PPP5C: variants seen among roughly 807,000 people sequenced by gnomAD.
PPP5C encodes the protein serine/threonine-protein phosphatase 5.
A neutral mutation model predicts 66.7 loss-of-function variants in PPP5C; 21 were observed. That is an observed-to-expected ratio of 0.31 (90% confidence interval 0.22 to 0.45). The LOEUF is 0.45. Among genes scored for constraint, PPP5C ranks in the 20% least tolerant of loss-of-function variants. The pLI is 1.00. For synonymous variants in PPP5C, 246 were observed against 257.4 expected (o/e 0.96, Z 0.43); for missense variants, 464 against 675.9 (o/e 0.69, Z 3.48).
chr19:46,385,705 A>G (rs1972871218), intron 7 of PPP5C, among the ~76,000 whole-genome samples: 1 of 151,694 alleles, frequency 6.6e-6, no homozygotes. Context: ...GCTTGAACCC[A>G]GGAGGCACAT....
Position 46,387,435 on chromosome 19 carries a change from C to T in PPP5C, c.1117C>T (p.Arg373Ter), listed in dbSNP as rs947012848. The T allele has an allele frequency of 6.2e-7, 1 of 1,613,708 alleles. No individual in the cohort carries two copies. Among genetic ancestry groups the T allele is most frequent in the Admixed American group, 1.7e-5 (1 of 60,020 alleles). ...LDDIRKIERN[R>*]QPPDSGPMCD... ...TGACATCCGGAAAATTGAGCGGAAT[C>T]GACAACCCCCAGATTCAGGTGAGCA... The change falls in exon 9 of 13, where the codon CGA (arginine) becomes TGA (stop). Residue 373 changes from arginine to a stop codon, truncating the protein, a stop_gained. Coordinates refer to ENST00000012443, the MANE Select transcript of PPP5C (RefSeq NM_006247.4). LOFTEE classifies it high-confidence loss of function.
chr19:46,390,176 G>A, intron 12 of PPP5C, 44 bp downstream of exon 12: 1 of 1,610,504 alleles, frequency 6.2e-7, no homozygotes, highest in Middle Eastern at 1.7e-4. Flanking sequence ...TCCCGGCCTG[G>A]GGACAAGGAG....
chr19:46,355,738 G>T (rs1316503198), intron 2 of PPP5C, among the ~76,000 whole-genome samples: 2 of 152,136 alleles, frequency 1.3e-5, no homozygotes, highest in African/African-American at 4.8e-5. Context: ...GTGATGACAT[G>T]GTTGAGTAAA....
intron 2 of PPP5C, among the ~76,000 whole-genome samples, chr19:46,361,779 T>C (rs1972396938): frequency 6.7e-6 from 1 of 148,156 alleles, no homozygotes; most frequent in Non-Finnish European, 1.5e-5. Context: ...AAAAAAAAAA[T>C]ACTATACCAA....
chr19:46,365,206 C>T (rs1036351175), intron 2 of PPP5C, among the ~76,000 whole-genome samples: 3 of 152,228 alleles, frequency 2.0e-5, no homozygotes, highest in Admixed American at 6.5e-5. Flanking sequence ...AGGTTTTGAA[C>T]TCCTGACCTC....
At chr19:46,356,830 T>C (rs1490137327) in intron 2 of PPP5C, among the ~76,000 whole-genome samples, 2 of 152,212 alleles carry the variant, frequency 1.3e-5, no homozygotes, top group African/African-American at 4.8e-5. Context: ...TAAAAATCCC[T>C]ATTTTACATG....
chr19:46,369,526 G>C (rs1277107816), intron 2 of PPP5C, among the ~76,000 whole-genome samples: 1 of 152,028 alleles, frequency 6.6e-6, no homozygotes, highest in Non-Finnish European at 1.5e-5. Context: ...TAGCCACTCT[G>C]GGGGCTGAGG....
Position 46,390,472 on chromosome 19 carries a change from G to C in PPP5C, c.*126G>C. 6.6e-7 allele frequency: 1 copy of C among 1,514,476 alleles called. No homozygotes were observed. The allele number at this position is 1,514,476 out of a possible 1,614,324, so 93.8% of individuals were successfully genotyped here. A position where few individuals can be genotyped will look rare whatever the true frequency, so the allele number is the denominator to read the frequency against. On this transcript the variant is annotated 3_prime_UTR_variant, in exon 13 of 13. Transcript: ENST00000012443. ...GACCCCCTTTTACTTTGTAAAGTTT[G>C]TATTTATTCCCCTTTAGGTTTGCAG...
intron 4 of PPP5C, among the ~76,000 whole-genome samples, chr19:46,378,292 A>G (rs781373481): frequency 1.3e-4 from 20 of 152,162 alleles, no homozygotes; most frequent in Non-Finnish European, 2.5e-4. Flanking sequence ...TTAACTCCCA[A>G]ATATTTGGGG....
Position 46,387,160 on chromosome 19 carries a change from A to G in PPP5C, c.972A>G (p.Thr324=). The change falls in exon 8 of 13, where the codon ACA becomes ACG. Residue 324 remains threonine, a synonymous_variant. Transcript: ENST00000012443. The part of the protein sequence containing the change: ...GFEGEVKAKY[T]AQMYELFSEV... ...AGGGTGAGGTGAAGGCCAAGTACAC[A>G]GCCCAGATGTACGAGCTCTTTAGCG... 1.2e-6 allele frequency: 2 copies of G among 1,614,248 alleles called. No homozygotes were observed. Among genetic ancestry groups the G allele is most frequent in the Non-Finnish European group, 1.7e-6 (2 of 1,180,046 alleles).
chr19:46,388,307 GGGCTGTGGGGTCAGCACCTGGCCGGGCCA>G lies in PPP5C; in HGVS notation c.1136-98_1136-70del. The G allele has an allele frequency of 7.7e-7, 1 of 1,299,560 alleles. No homozygotes were observed. Among genetic ancestry groups the G allele is most frequent in the Non-Finnish European group, 1.1e-6 (1 of 952,078 alleles). 80.5% of individuals were successfully genotyped at this position (1,299,560 alleles called of 1,614,324 possible). Reference sequence around the variant, plus strand: ...CCCCTGCCCAACACCCACCCAGGCTGGGCTGTGGGGTCAGCACCTGGCCGGGCCAGGAGGTGGCCTGTGAGTGACCACCC... The same window carrying G: ...CCCCTGCCCAACACCCACCCAGGCTGGGAGGTGGCCTGTGAGTGACCACCC... On this transcript the variant is annotated intron_variant, in intron 9 of 12. Transcript: ENST00000012443. The surrounding 1 kb of genome is among the most constrained non-coding windows in gnomAD (Gnocchi z 4.9).
Position 46,363,556 on chromosome 19 carries a change from G to T in PPP5C, c.363+9567G>T, listed in dbSNP as rs567511408. Among the ~76,000 whole-genome samples the T allele has an allele frequency of 2.2e-4, 34 of 151,500 alleles. 2 individuals carry two copies. In the South Asian group the frequency reaches 5.7e-3, roughly 25 times the overall value. ...GCGATTCTCCTGCCTCAGCCTCCAA[G>T]TAGCTGGGATTGCAGGCACGCACCA... On this transcript the variant is annotated intron_variant, in intron 2 of 12. Transcript: ENST00000012443.
At chr19:46,351,297 T>A (rs1487904909) in intron 1 of PPP5C, among the ~76,000 whole-genome samples, 1 of 152,142 alleles carries the variant, frequency 6.6e-6, no homozygotes, top group African/African-American at 2.4e-5. Flanking sequence ...TATGGTCCTG[T>A]TTGTAAAGCG....
intron 2 of PPP5C, among the ~76,000 whole-genome samples, chr19:46,368,141 C>T (rs550996401): frequency 6.6e-6 from 1 of 152,318 alleles, no homozygotes; most frequent in East Asian, 1.9e-4. Flanking sequence ...GAGATTAGTG[C>T]CACCATCAGA....
At position 46,353,781 on chromosome 19, in the gene PPP5C, G is replaced by A. The variant is rs372875234; in HGVS notation, c.155G>A (p.Ser52Asn). ...KDYENAIKFY[S>N]QAIELNPSNA... Reference sequence around the variant, plus strand: ...TACGAGAACGCCATCAAGTTCTACAGCCAGGCCATCGAGCTGAACCCCAGC... The same window carrying A: ...TACGAGAACGCCATCAAGTTCTACAACCAGGCCATCGAGCTGAACCCCAGC... Residue 52 changes from serine (S) to asparagine (N), a missense_variant, in exon 2 of 13, where the codon AGC (serine) becomes AAC (asparagine). Transcript: ENST00000012443. The A allele has an allele frequency of 1.2e-6, 2 of 1,614,152 alleles. No individual in the cohort carries two copies. Among genetic ancestry groups the A allele is most frequent in the African/African-American group, 2.7e-5 (2 of 75,064 alleles).
chr19:46,379,047 C>T (rs1972745036), intron 4 of PPP5C, among the ~76,000 whole-genome samples: 1 of 152,140 alleles, frequency 6.6e-6, no homozygotes, highest in Non-Finnish European at 1.5e-5. Flanking sequence ...CTATACCCAA[C>T]TAATTTTTGT....
chr19:46,372,507 C>G (rs1428446434), intron 2 of PPP5C, among the ~76,000 whole-genome samples: 1 of 152,172 alleles, frequency 6.6e-6, no homozygotes, highest in Non-Finnish European at 1.5e-5. Context: ...GCCACCACAC[C>G]CGGCCATCTA....
intron 6 of PPP5C, chr19:46,384,511 T>C (rs996879221): frequency 1.1e-5 from 4 of 377,414 alleles, no homozygotes; most frequent in African/African-American, 8.2e-5. Flanking sequence ...GGAGGTGGAC[T>C]GACTAGTCCC....
Position 46,390,875 on chromosome 19 carries a change from C to G in PPP5C, c.*529C>G. ...TCAGCTTGTCTCTGGATGGTGGAGC[C>G]GAAGGAGCTGCCCGGGTTGGGTTAC... On this transcript the variant is annotated 3_prime_UTR_variant, in exon 13 of 13. Transcript: ENST00000012443. The G allele has an allele frequency of 8.8e-7, 1 of 1,141,766 alleles. No homozygotes were observed. The highest frequency in any genetic ancestry group is 1.1e-6 in the Non-Finnish European group (1 of 914,370). 70.7% of individuals were successfully genotyped at this position (1,141,766 alleles called of 1,614,324 possible).
Sources: gnomAD v4.1 joint callset for allele counts (sites outside exome capture counted in the v4.1 genomes callset) on GRCh38, gnomAD v4.1.1 for gene constraint, Gnocchi (gnomAD v3.1) non-coding constraint, MANE v1.5 for transcripts, NCBI Gene and HGNC (gene_info 2026-07-23, HGNC 2026-07-21) for gene names.